NPC2: variants seen among roughly 807,000 people sequenced by gnomAD.
The protein encoded by NPC2 is Niemann-Pick disease type C2 protein.
In NPC2, 14 loss-of-function variants were observed where a neutral mutation model predicts 17.0. The ratio of observed to expected loss-of-function variants is 0.82; its 90% confidence interval spans 0.54 to 1.29. NPC2 has a LOEUF of 1.29. Among genes scored for constraint, NPC2 ranks in the 50% most tolerant of loss-of-function variants. The pLI, the probability that NPC2 is intolerant of heterozygous loss-of-function variation, is 0.00. For missense variants in NPC2, 167 were observed against 183.4 expected, an observed-to-expected ratio of 0.91 and a Z score of 0.52; for synonymous variants, 75 against 69.3, an observed-to-expected ratio of 1.08 and a Z score of -0.41.
chr14:74,480,921 T>C, intron 3 of NPC2, 142 bp from the exon 4 acceptor site: 1 of 783,866 alleles, frequency 1.3e-6, no homozygotes, highest in Non-Finnish European at 2.3e-6. Flanking sequence ...GAGGGCTGCT[T>C]AGCATGTGGG....
rs79971410 is a variant in NPC2 at position 74,487,969 on chromosome 14, G to T, written c.83-1533C>A. ...TCACATTGCCTGGAAGGGGCAGATC[G>T]AAGACTCAATGGGTGGGCCTGACTT... is the stretch of plus-strand genomic sequence containing the variant. On this transcript the variant is annotated intron_variant, in intron 1 of 4. Transcript: ENST00000555619. Among the ~76,000 whole-genome samples the T allele has an allele frequency of 2.6e-5, 4 of 152,290 alleles. No individual in the cohort carries two copies. In the East Asian group the frequency reaches 7.7e-4, roughly 29 times the overall value.
chr14:74,482,925 G>C (rs1033790789), intron 3 of NPC2: 6 of 501,612 alleles, frequency 1.2e-5, no homozygotes, highest in Non-Finnish European at 2.3e-5. Context: ...GGAGGAGGTG[G>C]AGGAGGTGCC....
chr14:74,483,527 C>T (rs770321247), intron 3 of NPC2: 339 of 1,517,608 alleles, frequency 2.2e-4, no homozygotes, highest in Non-Finnish European at 2.7e-4. Flanking sequence ...TCAGCAGCAG[C>T]TCTGAGCTAG....
chr14:74,480,046 A>G lies in NPC2; in HGVS notation c.*228T>C, dbSNP rs189401287. 6.7e-7 allele frequency: 1 copy of G among 1,502,572 alleles called. No homozygotes were observed. Among genetic ancestry groups the G allele is most frequent in the East Asian group, 2.5e-5 (1 of 40,212 alleles). The allele number at this position is 1,502,572 out of a possible 1,614,324, so 93.1% of individuals were successfully genotyped here. On this transcript the variant is annotated 3_prime_UTR_variant, in exon 5 of 5. Coordinates refer to ENST00000555619, the MANE Select transcript of NPC2 (RefSeq NM_006432.5). ...TAAAAAAAAAATTAAACATCTGCTA[A>G]CCAAGTGCTGCATTTAATGAAACCA...
intron 3 of NPC2, chr14:74,483,222 C>A: frequency 1.1e-6 from 1 of 887,066 alleles, no homozygotes; most frequent in Non-Finnish European, 1.9e-6. Flanking sequence ...ATTCAGTCCA[C>A]GTTTGACTTA....
rs1324630941 is a variant in NPC2, at chr14:74,480,383, AAG to A, written c.442-97_442-96del. 2.7e-6 allele frequency: 3 copies of A among 1,092,116 alleles called. No homozygotes were observed. In the East Asian group the frequency reaches 7.1e-5, roughly 26 times the overall value. The allele number at this position is 1,092,116 out of a possible 1,614,324, so 67.7% of individuals were successfully genotyped here. On this transcript the variant is annotated intron_variant, in intron 4 of 4. Transcript: ENST00000555619. Reference sequence around the variant, plus strand: ...CTAGGGCAAGTTATCAGACATTCCTAAGCAACCTCCTTCAGGTCCTGTCTGGC... The same window carrying A: ...CTAGGGCAAGTTATCAGACATTCCTACAACCTCCTTCAGGTCCTGTCTGGC...
intron 3 of NPC2, chr14:74,483,453 GA>G (rs1366774123): frequency 5.8e-6 from 9 of 1,544,848 alleles, no homozygotes; most frequent in Non-Finnish European, 8.0e-6. Context: ...CAGATAAATA[GA>G]AAAACACCAG....
Position 74,486,353 on chromosome 14 carries a change from T to C in NPC2, c.166A>G (p.Ser56Gly). 1 of 1,602,408 alleles carries C rather than the reference T, an allele frequency of 6.2e-7. No individual in the cohort carries two copies. Among genetic ancestry groups the C allele is most frequent in the Non-Finnish European group, 8.5e-7 (1 of 1,174,156 alleles). Reference protein sequence around the residue: ...PCQLSKGQSYSVNVTFTSNIQ... With the variant: ...PCQLSKGQSYGVNVTFTSNIQ... ...CTGCTGGTGAAGGTGACATTGACGC[T>C]GTAAGACTGTCCTTTGCTCAGCTGG... Residue 56 changes from serine (S) to glycine (G), a missense_variant, in exon 2 of 5, where the codon AGC becomes GGC. Ser to Gly is a moderately conservative substitution (Grantham distance 56). Coordinates refer to ENST00000555619, the MANE Select transcript of NPC2 (RefSeq NM_006432.5).
rs907643924 is a variant in NPC2 at position 74,484,597 on chromosome 14, A to G, written c.191-10T>C. ...CTTTTAGACTGAATATCTAAGAGAA[A>G]AAAAGAGAATCAGATGGCAAAGAAA... is the stretch of plus-strand genomic sequence containing the variant. On this transcript the variant is annotated splice_polypyrimidine_tract_variant and intron_variant, in intron 2 of 4. Coordinates refer to ENST00000555619, the MANE Select transcript of NPC2 (RefSeq NM_006432.5). 9 of 1,613,926 alleles carry G rather than the reference A, an allele frequency of 5.6e-6. No homozygotes were observed. The highest frequency in any genetic ancestry group is 5.9e-6 in the Non-Finnish European group (7 of 1,179,980).
intron 2 of NPC2, among the ~76,000 whole-genome samples, chr14:74,484,906 TTC>T (rs2086693909): frequency 1.3e-5 from 2 of 152,286 alleles, no homozygotes; most frequent in Admixed American, 6.5e-5. Context: ...GCAGTAAACT[TTC>T]TGTTTGCTAT....
rs767426620 is a variant in NPC2 at position 74,480,124 on chromosome 14, G to A, written c.*150C>T. On this transcript the variant is annotated 3_prime_UTR_variant, in exon 5 of 5. Coordinates refer to ENST00000555619, the MANE Select transcript of NPC2 (RefSeq NM_006432.5). ...AACCACTGAGAACCAGCCACCCGGA[G>A]CTCAGTTTCTGCTACAGAGCACCTC... 5.7e-6 allele frequency: 9 copies of A among 1,568,784 alleles called. No individual in the cohort carries two copies. The highest frequency in any genetic ancestry group is 7.8e-6 in the Non-Finnish European group (9 of 1,160,284).
At chr14:74,481,433 T>C (rs1029445181) in intron 3 of NPC2, among the ~76,000 whole-genome samples, 45 of 152,354 alleles carry the variant, frequency 3.0e-4, no homozygotes, top group African/African-American at 1.0e-3. Context: ...CTTTTCAAGT[T>C]ACCCAGTCTT....
Position 74,493,076 on chromosome 14 carries a change from A to T in NPC2, c.82+117T>A. On this transcript the variant is annotated intron_variant, in intron 1 of 4. Coordinates refer to ENST00000555619, the MANE Select transcript of NPC2 (RefSeq NM_006432.5). This position sits in a 1 kb window ranked among gnomAD's most constrained non-coding sequence, Gnocchi z 4.1. Reference sequence around the variant, plus strand: ...GCCCATTCCAGTTAGGTAGGGTCCAAGGCTCAGCCTGGCCGCCCGAGGGAT... The same window carrying T: ...GCCCATTCCAGTTAGGTAGGGTCCATGGCTCAGCCTGGCCGCCCGAGGGAT... The T allele has an allele frequency of 6.7e-6, 9 of 1,341,406 alleles. No individual in the cohort carries two copies. Among genetic ancestry groups the T allele is most frequent in the Non-Finnish European group, 9.2e-6 (9 of 974,934 alleles). 83.1% of individuals were successfully genotyped at this position (1,341,406 alleles called of 1,614,324 possible). A position where few individuals can be genotyped will look rare whatever the true frequency, so the allele number is the denominator to read the frequency against.
chr14:74,493,042 C>A lies in NPC2; in HGVS notation c.82+151G>T. On this transcript the variant is annotated intron_variant, in intron 1 of 4. Transcript: ENST00000555619. The surrounding 1 kb of genome is among the most constrained non-coding windows in gnomAD (Gnocchi z 4.1). ...TTTCATGGAGGCCGGCGCCTTCTCCCCCGACCCAGCCCATTCCAGTTAGGT... is the reference window on the plus strand; with the variant it reads ...TTTCATGGAGGCCGGCGCCTTCTCCACCGACCCAGCCCATTCCAGTTAGGT... The A allele has an allele frequency of 1.0e-6, 1 of 987,598 alleles. No individual in the cohort carries two copies. The highest frequency in any genetic ancestry group is 1.5e-6 in the Non-Finnish European group (1 of 682,742). 61.2% of individuals were successfully genotyped at this position (987,598 alleles called of 1,614,324 possible). A position where few individuals can be genotyped will look rare whatever the true frequency, so the allele number is the denominator to read the frequency against.
At chr14:74,482,000 C>G (rs999213442) in intron 3 of NPC2, among the ~76,000 whole-genome samples, 7 of 152,236 alleles carry the variant, frequency 4.6e-5, no homozygotes, top group African/African-American at 7.2e-5. Context: ...ACATTAACTA[C>G]TGCTTCATTT....
chr14:74,481,130 T>C (rs1311091110), intron 3 of NPC2, among the ~76,000 whole-genome samples: 3 of 152,238 alleles, frequency 2.0e-5, no homozygotes, highest in African/African-American at 7.2e-5. Context: ...TGACCTCCAA[T>C]GTTGGAGGTG....
At chr14:74,493,483 A>G (rs1350129401), upstream of NPC2, 8 of 1,190,468 alleles carry the variant, frequency 6.7e-6, no homozygotes, top group African/African-American at 6.2e-5. The surrounding 1 kb of genome is among the most constrained non-coding windows in gnomAD (Gnocchi z 4.1). Flanking sequence ...CGCCCATGCC[A>G]TCCCCTCAGA....
chr14:74,491,409 C>T (rs775592530), intron 1 of NPC2, among the ~76,000 whole-genome samples: 4 of 152,094 alleles, frequency 2.6e-5, no homozygotes, highest in African/African-American at 7.2e-5. Flanking sequence ...TTCATCCAAA[C>T]GCTGGCTACT....
upstream of NPC2, chr14:74,493,509 G>A (rs1395836831): frequency 1.2e-5 from 11 of 917,958 alleles, no homozygotes; most frequent in Non-Finnish European, 1.8e-5. This position sits in a 1 kb window ranked among gnomAD's most constrained non-coding sequence, Gnocchi z 4.1. Context: ...GACCCGCCCG[G>A]ACCCACCTCC....
Sources: allele counts gnomAD v4.1 joint callset (sites outside exome capture counted in the v4.1 genomes callset), GRCh38; gene constraint gnomAD v4.1.1; non-coding constraint Gnocchi (gnomAD v3.1); transcripts MANE v1.5; gene names NCBI Gene and HGNC (gene_info 2026-07-23, HGNC 2026-07-21).